The following TENM4 variants were observed in gnomAD, a reference collection of about 807,000 sequenced individuals.
TENM4 encodes the protein teneurin transmembrane protein 4.
Under a neutral mutation model 243.3 loss-of-function variants are expected in TENM4, and 82 were observed. The observed-to-expected ratio is 0.34, with a 90% CI of 0.28 to 0.40. TENM4 has a LOEUF of 0.40. Among genes scored for constraint, TENM4 ranks in the 10% least tolerant of loss-of-function variants. TENM4 has a pLI of 1.00. For synonymous variants in TENM4, 1,412 were observed against 1,456.3 expected, an observed-to-expected ratio of 0.97 and a Z score of 0.69; for missense variants, 3,138 against 3,673.3, an observed-to-expected ratio of 0.85 and a Z score of 3.77.
intron 19 of TENM4, among the ~76,000 whole-genome samples, chr11:78,743,700 T>C (rs557002707): frequency 6.6e-6 from 1 of 152,296 alleles, no homozygotes; most frequent in African/African-American, 2.4e-5. Context: ...TCCTCATCTG[T>C]ACCACCTGTG....
At chr11:79,304,224 C>T (rs547813974) in intron 1 of TENM4, among the ~76,000 whole-genome samples, 1 of 152,320 alleles carries the variant, frequency 6.6e-6, no homozygotes, top group South Asian at 2.1e-4. Flanking sequence ...AAGCTAATGT[C>T]TTCTTTCTGG....
intron 2 of TENM4, among the ~76,000 whole-genome samples, chr11:79,227,224 T>TTCTGGGA (rs1380224320): frequency 2.0e-5 from 3 of 152,196 alleles, no homozygotes; most frequent in Admixed American, 6.5e-5. Context: ...TTATCCCAGC[T>TTCTGGGA]TCTGGGATCT....
Position 78,926,551 on chromosome 11 carries a change from C to T in TENM4, c.494-23028G>A, listed in dbSNP as rs1856554789. On this transcript the variant is annotated intron_variant, in intron 6 of 33. Coordinates refer to ENST00000278550, the MANE Select transcript of TENM4 (RefSeq NM_001098816.3). The stretch of plus-strand genomic sequence containing the variant: ...CCTCCCAAAGTGATGGGATTACAGG[C>T]ATGAACCACTATGCCTGGCCAGAAA... Among the ~76,000 whole-genome samples, 4 of 152,026 alleles carry T rather than the reference C, an allele frequency of 2.6e-5. No homozygotes were observed. The South Asian group carries it at 8.3e-4, about 32-fold the overall frequency.
chr11:79,179,765 G>A (rs1270131721), intron 3 of TENM4, among the ~76,000 whole-genome samples: 3 of 151,734 alleles, frequency 2.0e-5, no homozygotes, highest in African/African-American at 7.2e-5. Context: ...CATATAGAAG[G>A]TGCTCAAAAT....
At chr11:78,731,360 C>G (rs1199066829) in intron 21 of TENM4, among the ~76,000 whole-genome samples, 2 of 152,226 alleles carry the variant, frequency 1.3e-5, no homozygotes, top group Non-Finnish European at 2.9e-5. Flanking sequence ...ATGAGAATTT[C>G]AAAATGATTG....
intron 6 of TENM4, among the ~76,000 whole-genome samples, chr11:78,947,439 G>A (rs958374798): frequency 6.6e-6 from 1 of 151,994 alleles, no homozygotes; most frequent in African/African-American, 2.4e-5. Context: ...GTGGGGACAG[G>A]GTGTGTGGGG....
intron 3 of TENM4, among the ~76,000 whole-genome samples, chr11:79,213,146 G>C (rs1199602742): frequency 6.6e-6 from 1 of 152,192 alleles, no homozygotes; most frequent in African/African-American, 2.4e-5. Flanking sequence ...TGAGCTAGTG[G>C]TGGGAGGAGA....
chr11:78,674,737 G>C (rs1007195125), intron 30 of TENM4, among the ~76,000 whole-genome samples: 1 of 152,166 alleles, frequency 6.6e-6, no homozygotes, highest in Non-Finnish European at 1.5e-5. Flanking sequence ...GTGCAAGGCT[G>C]TTTCCCACAG....
chr11:79,124,643 ATATGTG>A (rs1306764737), intron 4 of TENM4, among the ~76,000 whole-genome samples: 6 of 121,704 alleles, frequency 4.9e-5, no homozygotes, highest in African/African-American at 1.5e-4. Context: ...GTATATATAT[ATATGTG>A]TGTGTGTGTG....
rs528807904 is a variant in TENM4 at position 78,778,504 on chromosome 11, T to C, written c.2392+98A>G. 1.2e-4 allele frequency: 146 copies of C among 1,269,028 alleles called. 1 individual carries two copies. The African/African-American group carries it at 2.1e-3, about 18-fold the overall frequency. 78.6% of individuals were successfully genotyped at this position (1,269,028 alleles called of 1,614,324 possible). ...TTAGCTTCCAGACATCATGCTTATG[T>C]GGTGTATATACATTTTTATATACAC... On this transcript the variant is annotated intron_variant, in intron 17 of 33. Coordinates refer to ENST00000278550, the MANE Select transcript of TENM4 (RefSeq NM_001098816.3).
chr11:78,674,438 C>A (rs894622480), intron 30 of TENM4, among the ~76,000 whole-genome samples: 2 of 152,198 alleles, frequency 1.3e-5, no homozygotes, highest in African/African-American at 4.8e-5. Flanking sequence ...CCAGTTCACA[C>A]AGCAGAGAGG....
chr11:79,163,947 A>G (rs1418463108), intron 3 of TENM4, among the ~76,000 whole-genome samples: 1 of 140,844 alleles, frequency 7.1e-6, no homozygotes, highest in Non-Finnish European at 1.5e-5. Context: ...ATATCTATAT[A>G]GTACTATATA....
intron 3 of TENM4, among the ~76,000 whole-genome samples, chr11:79,158,979 C>T (rs1862683399): frequency 6.6e-6 from 1 of 152,148 alleles, no homozygotes; most frequent in African/African-American, 2.4e-5. Context: ...TGAAAAGCCC[C>T]TGTTCTTCGC....
At chr11:79,122,658 G>A (rs1374785318) in intron 4 of TENM4, among the ~76,000 whole-genome samples, 1 of 152,132 alleles carries the variant, frequency 6.6e-6, no homozygotes, top group East Asian at 1.9e-4. Context: ...GTTTGAAGCT[G>A]AAAGTAGGGC....
chr11:79,243,874 C>T (rs912696278), intron 2 of TENM4, among the ~76,000 whole-genome samples: 21 of 152,188 alleles, frequency 1.4e-4, no homozygotes, highest in Non-Finnish European at 2.4e-4. Flanking sequence ...CCATGTCCCG[C>T]GGTGCCTACA....
chr11:79,222,429 C>T (rs549040950), intron 2 of TENM4, among the ~76,000 whole-genome samples: 28 of 152,126 alleles, frequency 1.8e-4, no homozygotes, highest in African/African-American at 6.5e-4. Flanking sequence ...GGGTTGGTTC[C>T]GTGTCTTTGC....
At chr11:79,146,829 G>C (rs537907420) in intron 4 of TENM4, among the ~76,000 whole-genome samples, 1 of 151,972 alleles carries the variant, frequency 6.6e-6, no homozygotes, top group Non-Finnish European at 1.5e-5. Context: ...TGTGACCAAG[G>C]CCACATAACT....
At chr11:79,028,842 G>A (rs1000908200) in intron 6 of TENM4, among the ~76,000 whole-genome samples, 4 of 152,144 alleles carry the variant, frequency 2.6e-5, no homozygotes, top group Non-Finnish European at 5.9e-5. Context: ...TAGTTAACAT[G>A]CAATTTTTTG....
chr11:79,121,242 A>G (rs1861739860), intron 4 of TENM4, among the ~76,000 whole-genome samples: 1 of 152,108 alleles, frequency 6.6e-6, no homozygotes, highest in Non-Finnish European at 1.5e-5. Flanking sequence ...CTTCCATTCT[A>G]GTTTTCTTGT....
Sources: gnomAD v4.1 joint callset for allele counts (sites outside exome capture counted in the v4.1 genomes callset) on GRCh38, gnomAD v4.1.1 for gene constraint, MANE v1.5 for transcripts, NCBI Gene and HGNC (gene_info 2026-07-23, HGNC 2026-07-21) for gene names.